Variants in KIF14 observed in about 807,000 individuals in gnomAD.
KIF14 encodes the protein kinesin family member 14, also known as kinesin-like protein KIF14.
KIF14 carries 98 observed loss-of-function variants against 176.2 expected under a neutral mutation model. The ratio of observed to expected loss-of-function variants is 0.56; its 90% confidence interval spans 0.47 to 0.66. The LOEUF (loss-of-function observed/expected upper bound fraction) is 0.66. KIF14 is among the 30% of genes least tolerant of loss of function. The pLI is 0.00. For synonymous variants in KIF14, 566 were observed against 632.2 expected, an observed-to-expected ratio of 0.90 and a Z score of 1.57; for missense variants, 1,751 against 1,920.4, an observed-to-expected ratio of 0.91 and a Z score of 1.65.
rs979548871 is a variant in KIF14 at position 200,552,967 on chromosome 1, T to C, written c.*421A>G. ...TATTTATTTATTTATTTATTTTGACTAAGTCTCGTTCTGTTGCTCAGACTG... is the reference window on the plus strand; with the variant it reads ...TATTTATTTATTTATTTATTTTGACCAAGTCTCGTTCTGTTGCTCAGACTG... On this transcript the variant is annotated 3_prime_UTR_variant, in exon 30 of 30. Coordinates refer to ENST00000367350, the MANE Select transcript of KIF14 (RefSeq NM_014875.3). 2 of 151,456 alleles carry C rather than the reference T, an allele frequency of 1.3e-5. No individual in the cohort carries two copies. Among genetic ancestry groups the C allele is most frequent in the Admixed American group, 6.6e-5 (1 of 15,062 alleles). The allele number at this position is 151,456 out of a possible 1,614,324, so 9.4% of individuals were successfully genotyped here.
intron 21 of KIF14, among the ~76,000 whole-genome samples, chr1:200,578,867 G>A (rs1186901844): frequency 6.6e-6 from 1 of 152,080 alleles, no homozygotes; most frequent in Non-Finnish European, 1.5e-5. Flanking sequence ...CAAGGCGGGT[G>A]GATCACAAGG....
intron 28 of KIF14, 144 bp from the exon 29 acceptor site, chr1:200,554,750 T>G: frequency 3.9e-6 from 2 of 511,000 alleles, no homozygotes; most frequent in Non-Finnish European, 6.8e-6. Flanking sequence ...TCTATTTCTA[T>G]AAGCAAGACC....
intron 21 of KIF14, among the ~76,000 whole-genome samples, chr1:200,576,611 A>G (rs1363593311): frequency 6.6e-6 from 1 of 152,196 alleles, no homozygotes; most frequent in Non-Finnish European, 1.5e-5. Flanking sequence ...AATACAAGCA[A>G]TTCATATTAA....
At chr1:200,587,246 T>C (rs1658799742) in intron 18 of KIF14, among the ~76,000 whole-genome samples, 1 of 152,074 alleles carries the variant, frequency 6.6e-6, no homozygotes, top group African/African-American at 2.4e-5. Flanking sequence ...CAATGTAAGC[T>C]ACTCAGGTGA....
chr1:200,564,537 G>A (rs1020118477), intron 25 of KIF14, among the ~76,000 whole-genome samples: 1 of 152,156 alleles, frequency 6.6e-6, no homozygotes, highest in African/African-American at 2.4e-5. Context: ...TACAAGATAA[G>A]CAGGAAAACA....
intron 14 of KIF14, among the ~76,000 whole-genome samples, 158 bp from the exon 15 acceptor site, chr1:200,593,927 G>GTTTTTTTT (rs57476742): frequency 4.2e-4 from 42 of 100,550 alleles, no homozygotes; most frequent in African/African-American, 6.4e-4. Flanking sequence ...CCTCCAACTA[G>GTTTTTTTT]TTTTTTTTTT....
chr1:200,595,932 CAAAAAAAAAAA>C (rs35375679), intron 14 of KIF14, among the ~76,000 whole-genome samples: 2 of 52,242 alleles, frequency 3.8e-5, no homozygotes, highest in Admixed American at 2.2e-4. Flanking sequence ...ACTCCATCTC[CAAAAAAAAAAA>C]AAAAAAAAAA....
intron 6 of KIF14, among the ~76,000 whole-genome samples, chr1:200,606,326 A>C (rs571478785): frequency 3.0e-4 from 45 of 152,300 alleles, no homozygotes; most frequent in Middle Eastern, 6.8e-3. Context: ...TGGAAAAAAA[A>C]GTAAATGACT....
chr1:200,600,375 C>A lies in KIF14; in HGVS notation c.2281G>T (p.Asp761Tyr), dbSNP rs1558080641. The A allele has an allele frequency of 6.2e-7, 1 of 1,613,896 alleles. No individual in the cohort carries two copies. Among genetic ancestry groups the A allele is most frequent in the East Asian group, 2.2e-5 (1 of 44,852 alleles). The change falls in exon 12 of 30, where the codon GAC (aspartate) becomes TAC (tyrosine). Residue 761 changes from aspartate to tyrosine, a missense_variant. Coordinates refer to ENST00000367350, the MANE Select transcript of KIF14 (RefSeq NM_014875.3). ...LRMKLHQQER[D>Y]MAEMQRVWKE... is the part of the protein sequence containing the mutation. ...CTCTACCTTTGCATTTCTGCCATGT[C>A]TCTCTCCTGTTGATGCAGTTTCATT...
At chr1:200,572,447 CCATT>C (rs1657849720) in intron 22 of KIF14, among the ~76,000 whole-genome samples, 1 of 152,114 alleles carries the variant, frequency 6.6e-6, no homozygotes, top group Non-Finnish European at 1.5e-5. Context: ...TGGGTTCATA[CCATT>C]CTCCTGCCTC....
chr1:200,607,958 C>G (rs1659964520), intron 5 of KIF14, among the ~76,000 whole-genome samples: 1 of 152,182 alleles, frequency 6.6e-6, no homozygotes, highest in Non-Finnish European at 1.5e-5. Flanking sequence ...CTTGACCTCC[C>G]AAAGTGCTGT....
intron 24 of KIF14, 31 bp downstream of exon 24, chr1:200,565,414 G>A: frequency 6.6e-7 from 1 of 1,511,492 alleles, no homozygotes; most frequent in Non-Finnish European, 9.0e-7. Flanking sequence ...AATCATTTAT[G>A]TGAGTTAACA....
At chr1:200,598,156 G>T in intron 14 of KIF14, 81 bp downstream of exon 14, 1 of 1,210,948 alleles carries the variant, frequency 8.3e-7, no homozygotes, top group South Asian at 1.3e-5. Flanking sequence ...CAGTATCAAC[G>T]AATATGCCAT....
intron 25 of KIF14, 81 bp from the exon 26 acceptor site, chr1:200,560,961 C>T (rs1311323830): frequency 3.1e-6 from 4 of 1,287,936 alleles, no homozygotes; most frequent in African/African-American, 2.9e-5. Flanking sequence ...CCGGGCACAG[C>T]GGCTCACGCC....
chr1:200,576,362 C>T (rs1658107865), intron 21 of KIF14, among the ~76,000 whole-genome samples: 1 of 151,602 alleles, frequency 6.6e-6, no homozygotes, highest in South Asian at 2.1e-4. Flanking sequence ...CCTGTAGTCC[C>T]AGCTACTCGG....
intron 16 of KIF14, 50 bp downstream of exon 16, chr1:200,592,030 T>C (rs2102693053): frequency 6.2e-6 from 9 of 1,452,132 alleles, no homozygotes; most frequent in Non-Finnish European, 8.5e-6. Context: ...ATTAACTCTG[T>C]TGTAGATCTC....
At position 200,602,566 on chromosome 1, in the gene KIF14, A is replaced by G. The variant is rs140320484; in HGVS notation, c.1980-498T>C. On this transcript the variant is annotated intron_variant, in intron 10 of 29. Coordinates refer to ENST00000367350, the MANE Select transcript of KIF14 (RefSeq NM_014875.3). ...TTTTTAACTTTCATAAGACATGAAA[A>G]AAATCAGATTTTCCCTTATAGGTTT... 8.0e-3 allele frequency among the ~76,000 whole-genome samples: 1,224 copies of G among 152,332 alleles called. 11 individuals carry two copies. Among genetic ancestry groups the G allele is most frequent in the African/African-American group, 0.026 (1,096 of 41,572 alleles).
intron 4 of KIF14, 103 bp downstream of exon 4, chr1:200,614,215 C>T: frequency 1.6e-6 from 1 of 614,834 alleles, no homozygotes; most frequent in Non-Finnish European, 2.9e-6. Flanking sequence ...CAAATTAGAA[C>T]TGATCTTCCA....
At chr1:200,596,888 CTT>C (rs993346438) in intron 14 of KIF14, among the ~76,000 whole-genome samples, 145 of 99,178 alleles carry the variant, frequency 1.5e-3, no homozygotes, top group African/African-American at 5.1e-3. Flanking sequence ...CTCTCTCTCT[CTT>C]TTTTTTTTTT....
Sources: gnomAD v4.1 joint callset for allele counts (sites outside exome capture counted in the v4.1 genomes callset) on GRCh38, gnomAD v4.1.1 for gene constraint, MANE v1.5 for transcripts, NCBI Gene and HGNC (gene_info 2026-07-23, HGNC 2026-07-21) for gene names.